ARHGEF26: variants seen among roughly 807,000 people sequenced by gnomAD.
The protein encoded by ARHGEF26 is Rho guanine nucleotide exchange factor 26.
A neutral mutation model predicts 89.4 loss-of-function variants in ARHGEF26; 59 were observed. The observed-to-expected ratio is 0.66, with a 90% CI of 0.54 to 0.82. The LOEUF (loss-of-function observed/expected upper bound fraction) is 0.82. Ranked by LOEUF, ARHGEF26 falls within the 40% of genes least tolerant of loss-of-function variation. ARHGEF26 has a pLI of 0.00. For missense variants in ARHGEF26, 1,234 were observed against 1,085.6 expected (o/e 1.14, Z -1.92); for synonymous variants, 500 against 428.4 (o/e 1.17, Z -2.06).
chr3:154,145,508 G>A (rs540199459), intron 4 of ARHGEF26, among the ~76,000 whole-genome samples: 1 of 152,278 alleles, frequency 6.6e-6, no homozygotes, highest in East Asian at 1.9e-4. Flanking sequence ...GAGACAGAGT[G>A]ATCTTGGATT....
chr3:154,153,000 C>CT (rs369005140), intron 6 of ARHGEF26, 68 bp downstream of exon 6: 14 of 1,312,218 alleles, frequency 1.1e-5, no homozygotes, highest in African/African-American at 1.1e-4. Flanking sequence ...TTTGTTATCT[C>CT]TAAAGGAAGG....
chr3:154,242,038 A>G (rs530524191), intron 12 of ARHGEF26, among the ~76,000 whole-genome samples: 1 of 152,344 alleles, frequency 6.6e-6, no homozygotes, highest in Admixed American at 6.5e-5. Context: ...GAAAATTACA[A>G]GGCACCCACA....
intron 9 of ARHGEF26, among the ~76,000 whole-genome samples, chr3:154,207,167 G>A (rs538502657): frequency 6.6e-6 from 1 of 152,182 alleles, no homozygotes; most frequent in East Asian, 1.9e-4. Context: ...AAGAAAACCT[G>A]GTCATACCAT....
intron 12 of ARHGEF26, among the ~76,000 whole-genome samples, chr3:154,241,173 G>A (rs1364655927): frequency 6.6e-6 from 1 of 152,212 alleles, no homozygotes; most frequent in Non-Finnish European, 1.5e-5. Context: ...GTGGCAGTGA[G>A]GGTTAACTTT....
At chr3:154,129,250 A>G (rs1210250867) in intron 3 of ARHGEF26, among the ~76,000 whole-genome samples, 7 of 152,204 alleles carry the variant, frequency 4.6e-5, no homozygotes, top group African/African-American at 1.7e-4. Flanking sequence ...TGGACCTTAA[A>G]TAAAAGATAG....
intron 12 of ARHGEF26, among the ~76,000 whole-genome samples, chr3:154,242,188 A>T (rs1717515841): frequency 6.6e-6 from 1 of 152,216 alleles, no homozygotes; most frequent in Non-Finnish European, 1.5e-5. Flanking sequence ...GAAAAAAGAA[A>T]TATATTTCAT....
chr3:154,191,496 C>T, intron 8 of ARHGEF26, 78 bp downstream of exon 8: 1 of 1,495,138 alleles, frequency 6.7e-7, no homozygotes, highest in Admixed American at 2.2e-5. Flanking sequence ...ATTATTATTC[C>T]ACTTAAATTG....
intron 6 of ARHGEF26, among the ~76,000 whole-genome samples, chr3:154,172,640 G>T (rs1338332638): frequency 6.6e-6 from 1 of 152,174 alleles, no homozygotes; most frequent in Non-Finnish European, 1.5e-5. Context: ...GTTGCAGTGA[G>T]CCGAGATCAC....
intron 9 of ARHGEF26, 25 bp from the exon 10 acceptor site, chr3:154,217,844 C>T (rs759044277): frequency 4.9e-5 from 77 of 1,562,756 alleles, no homozygotes; most frequent in Middle Eastern, 1.7e-4. Flanking sequence ...GACCTTTAAC[C>T]CTCGTTACTC....
Position 154,122,887 on chromosome 3 carries a change from G to T in ARHGEF26, c.895G>T (p.Asp299Tyr). The T allele has an allele frequency of 6.2e-7, 1 of 1,612,818 alleles. No individual in the cohort carries two copies. The highest frequency in any genetic ancestry group is 1.1e-5 in the South Asian group (1 of 90,708). Residue 299 changes from aspartate to tyrosine, a missense_variant, in exon 2 of 15, where the codon GAT becomes TAT. Coordinates refer to ENST00000465093, the MANE Select transcript of ARHGEF26 (RefSeq NM_015595.4). Reference sequence around the variant, plus strand: ...TCACGCAGGGGAGGAGAGTGAGGTCGATAACGACGTGGATAGCCCAGGGTC... The same window carrying T: ...TCACGCAGGGGAGGAGAGTGAGGTCTATAACGACGTGGATAGCCCAGGGTC... ...LGHAGEESEV[D>Y]NDVDSPGSLR... is the part of the protein sequence containing the mutation.
rs370976472 is a variant in ARHGEF26 at position 154,152,630 on chromosome 3, C to G, written c.1327-142C>G. 1.1e-4 allele frequency: 60 copies of G among 524,290 alleles called. No homozygotes were observed. In the East Asian group the frequency reaches 1.5e-3, roughly 13 times the overall value. The allele number at this position is 524,290 out of a possible 1,614,324, so 32.5% of individuals were successfully genotyped here. A position where few individuals can be genotyped will look rare whatever the true frequency, so the allele number is the denominator to read the frequency against. On this transcript the variant is annotated intron_variant, in intron 5 of 14. Transcript: ENST00000465093. ...AGAGAGTAGTTTTGTGATGTTGTTT[C>G]TTTAATGTTCTTTTTGTACTTTCCA...
intron 4 of ARHGEF26, among the ~76,000 whole-genome samples, chr3:154,139,747 A>G (rs935976054): frequency 3.3e-5 from 5 of 152,066 alleles, no homozygotes; most frequent in African/African-American, 4.8e-5. Context: ...AAAATTTGTT[A>G]CTCAAATTTT....
rs571135932 is a variant in ARHGEF26, at chr3:154,240,386, G to A, written c.2107G>A (p.Val703Ile). Residue 703 changes from valine (V) to isoleucine (I), a missense_variant, in exon 12 of 15, where the codon GTC (valine) becomes ATC (isoleucine). Physicochemically the swap from Val to Ile is conservative, Grantham distance 29. Coordinates refer to ENST00000465093, the MANE Select transcript of ARHGEF26 (RefSeq NM_015595.4). ...TKKKSEESYN[V>I]NDYSLRDQLL... ...CCTTTACAGTGAAGAAAGTTACAACGTCAATGATTATTCCTTAAGAGATCA... is the reference window on the plus strand; with the variant it reads ...CCTTTACAGTGAAGAAAGTTACAACATCAATGATTATTCCTTAAGAGATCA... 8 of 1,608,552 alleles carry A rather than the reference G, an allele frequency of 5.0e-6. No individual in the cohort carries two copies. Among genetic ancestry groups the A allele is most frequent in the African/African-American group, 4.0e-5 (3 of 74,860 alleles).
chr3:154,141,099 C>A (rs1719349986), intron 4 of ARHGEF26, among the ~76,000 whole-genome samples: 6 of 152,048 alleles, frequency 3.9e-5, no homozygotes, highest in Non-Finnish European at 8.8e-5. Context: ...GTAGCTGGGA[C>A]TACAGGCGGC....
At chr3:154,160,623 C>G (rs1015620165) in intron 6 of ARHGEF26, among the ~76,000 whole-genome samples, 2 of 152,100 alleles carry the variant, frequency 1.3e-5, no homozygotes, top group African/African-American at 4.8e-5. Flanking sequence ...TGAGGAAAAC[C>G]AAGGATCAAC....
chr3:154,188,924 A>G (rs769341441), intron 7 of ARHGEF26, among the ~76,000 whole-genome samples: 24 of 152,170 alleles, frequency 1.6e-4, no homozygotes, highest in Non-Finnish European at 2.8e-4. Flanking sequence ...TTTGGACTGG[A>G]TAAGTCTTTG....
chr3:154,208,909 G>A (rs1715197124), intron 9 of ARHGEF26, among the ~76,000 whole-genome samples: 1 of 151,780 alleles, frequency 6.6e-6, no homozygotes, highest in African/African-American at 2.4e-5. Context: ...GGGATTACAG[G>A]CACATACCAC....
chr3:154,171,786 T>C (rs1027690872), intron 6 of ARHGEF26, among the ~76,000 whole-genome samples: 1 of 152,028 alleles, frequency 6.6e-6, no homozygotes, highest in Non-Finnish European at 1.5e-5. Context: ...AAAGAGATTA[T>C]TGGAGAAAGA....
At chr3:154,149,932 A>T (rs918866480) in intron 5 of ARHGEF26, among the ~76,000 whole-genome samples, 12 of 151,812 alleles carry the variant, frequency 7.9e-5, no homozygotes, top group African/African-American at 2.9e-4. Context: ...TAGTAAAAAA[A>T]AAAAAAACAG....
Sources: gnomAD v4.1 joint callset for allele counts (sites outside exome capture counted in the v4.1 genomes callset) on GRCh38, gnomAD v4.1.1 for gene constraint, MANE v1.5 for transcripts, NCBI Gene and HGNC (gene_info 2026-07-23, HGNC 2026-07-21) for gene names.